Variants in HADHA observed in about 807,000 individuals in gnomAD.
HADHA encodes the protein trifunctional enzyme subunit alpha, mitochondrial.
A neutral mutation model predicts 91.3 loss-of-function variants in HADHA; 59 were observed. That is an observed-to-expected ratio of 0.65 (90% confidence interval 0.52 to 0.80). The LOEUF (loss-of-function observed/expected upper bound fraction) is 0.80, where lower values mean the gene tolerates loss of function less well. Ranked by LOEUF, HADHA falls within the 30% of genes least tolerant of loss-of-function variation. The pLI is 0.00. For missense variants in HADHA, 800 were observed against 927.6 expected, an observed-to-expected ratio of 0.86 and a Z score of 1.79; for synonymous variants, 320 against 338.9, an observed-to-expected ratio of 0.94 and a Z score of 0.61.
chr2:26,242,651 C>T (rs758073585), intron 1 of HADHA, among the ~76,000 whole-genome samples: 2 of 152,204 alleles, frequency 1.3e-5, no homozygotes, highest in African/African-American at 4.8e-5. Context: ...GTATTATTCC[C>T]CATTTTACAA....
rs180926415 is a variant in HADHA, at chr2:26,212,482, T to A, written c.975+88A>T. The A allele has an allele frequency of 5.9e-5, 55 of 936,112 alleles. No homozygotes were observed. The African/African-American group carries it at 8.6e-4, about 15-fold the overall frequency. 58.0% of individuals were successfully genotyped at this position (936,112 alleles called of 1,614,324 possible). Reference sequence around the variant, plus strand: ...AAAAATTTTTACTAGGCTTTGGATATTTTTTTCCTTTTTCAGCTTTATACA... The same window carrying A: ...AAAAATTTTTACTAGGCTTTGGATAATTTTTTCCTTTTTCAGCTTTATACA... On this transcript the variant is annotated intron_variant, in intron 10 of 19. Coordinates refer to ENST00000380649, the MANE Select transcript of HADHA (RefSeq NM_000182.5).
chr2:26,191,093 A>AGAT lies in HADHA; in HGVS notation c.*154_*156dup, dbSNP rs760240609. ...GAAGTCACACTTCACCAGGAGGGAG[A>AGAT]GATGGTCTTGGCTGAAGGCACTTTA... On this transcript the variant is annotated 3_prime_UTR_variant, in exon 20 of 20. Coordinates refer to ENST00000380649, the MANE Select transcript of HADHA (RefSeq NM_000182.5). The AGAT allele has an allele frequency of 1.8e-5, 13 of 715,506 alleles. No individual in the cohort carries two copies. The highest frequency in any genetic ancestry group is 3.2e-5 in the Non-Finnish European group (13 of 403,092). 44.3% of individuals were successfully genotyped at this position (715,506 alleles called of 1,614,324 possible). A position where few individuals can be genotyped will look rare whatever the true frequency, so the allele number is the denominator to read the frequency against.
intron 1 of HADHA, 79 bp from the exon 2 acceptor site, chr2:26,239,222 A>G: frequency 1.0e-6 from 1 of 953,572 alleles, no homozygotes; most frequent in South Asian, 1.3e-5. Context: ...GCTGTAATTT[A>G]CAATAATAAC....
chr2:26,233,851 C>A (rs996409811), intron 5 of HADHA, among the ~76,000 whole-genome samples: 2 of 152,088 alleles, frequency 1.3e-5, no homozygotes, highest in African/African-American at 4.8e-5. Flanking sequence ...GAGGCCGAGG[C>A]GGGAGGATCA....
In HADHA at chr2:26,230,246, G is replaced by A. The variant is rs1357461874; in HGVS notation, c.622C>T (p.Arg208Cys). 16 of 1,613,744 alleles carry A rather than the reference G, an allele frequency of 9.9e-6. No homozygotes were observed. Among genetic ancestry groups the A allele is most frequent in the South Asian group, 6.6e-5 (6 of 91,080 alleles). Residue 208 changes from arginine to cysteine, a missense_variant, in exon 7 of 20, where the codon CGT becomes TGT. Coordinates refer to ENST00000380649, the MANE Select transcript of HADHA (RefSeq NM_000182.5). ...CCCATTTTCTTTGCCCTGTCTGCAC[G>A]AATGCTTCTACCAGTCAGCATCATG... The part of the protein sequence containing the change: ...LDMMLTGRSI[R>C]ADRAKKMGLV...
rs1167452632 is a variant in HADHA, at chr2:26,236,346, T to C, written c.314+509A>G. On this transcript the variant is annotated intron_variant, in intron 4 of 19. Transcript: ENST00000380649. ...ATTTCTCTAGATCACATGATGTGTGTGTGTGTGTGTGTGTATATATATATA... is the reference window on the plus strand; with the variant it reads ...ATTTCTCTAGATCACATGATGTGTGCGTGTGTGTGTGTGTATATATATATA... Among the ~76,000 whole-genome samples, 3 of 107,534 alleles carry C rather than the reference T, an allele frequency of 2.8e-5. No homozygotes were observed. The East Asian group carries it at 5.9e-4, about 21-fold the overall frequency. 70.5% of individuals were successfully genotyped at this position (107,534 alleles called of 152,430 possible).
At chr2:26,209,753 G>A (rs978708941) in intron 11 of HADHA, 27 bp downstream of exon 11, 17 of 1,088,556 alleles carry the variant, frequency 1.6e-5, no homozygotes, top group Admixed American at 1.3e-4. Flanking sequence ...AAATTCACAA[G>A]GGCTTCCTAC....
At chr2:26,232,658 T>C (rs1396742883) in intron 5 of HADHA, among the ~76,000 whole-genome samples, 3 of 152,218 alleles carry the variant, frequency 2.0e-5, no homozygotes, top group Admixed American at 1.3e-4. Context: ...CACCATACCA[T>C]ATGCGGAATT....
At chr2:26,226,210 T>C (rs982067783) in intron 7 of HADHA, among the ~76,000 whole-genome samples, 2 of 152,220 alleles carry the variant, frequency 1.3e-5, no homozygotes, top group African/African-American at 4.8e-5. Context: ...ACCATGTTCA[T>C]GGATGAAATG....
chr2:26,194,288 A>G (rs1443097848), intron 16 of HADHA, among the ~76,000 whole-genome samples: 1 of 152,130 alleles, frequency 6.6e-6, no homozygotes, highest in African/African-American at 2.4e-5. Context: ...CCTGCCTCAG[A>G]GAGGTGCAGA....
intron 1 of HADHA, 56 bp downstream of exon 1, chr2:26,244,474 C>G (rs1487804192): frequency 1.3e-6 from 2 of 1,532,368 alleles, no homozygotes; most frequent in Non-Finnish European, 1.8e-6. Context: ...CGGGGCCACC[C>G]CAGTCCCGGC....
At position 26,191,558 on chromosome 2, in the gene HADHA, C is replaced by A. The variant is rs1057517132; in HGVS notation, c.2071G>T (p.Glu691Ter). ...FVNEAVMCLQ[E>*]GILATPAEGD... ...TCTGCAGGTGTGGCCAAGATCCCCTCTTGCAGGCACATGACTGCCTCATTC... is the reference window on the plus strand; with the variant it reads ...TCTGCAGGTGTGGCCAAGATCCCCTATTGCAGGCACATGACTGCCTCATTC... Residue 691 changes from glutamate (E) to a stop codon, truncating the protein, a stop_gained, in exon 19 of 20, where the codon GAG becomes TAG. Transcript: ENST00000380649. LOFTEE classifies it high-confidence loss of function. 1 of 1,614,160 alleles carries A rather than the reference C, an allele frequency of 6.2e-7. No homozygotes were observed. The highest frequency in any genetic ancestry group is 8.5e-7 in the Non-Finnish European group (1 of 1,180,004).
At chr2:26,223,030 G>A (rs1670408704) in intron 7 of HADHA, among the ~76,000 whole-genome samples, 1 of 152,140 alleles carries the variant, frequency 6.6e-6, no homozygotes, top group Admixed American at 6.5e-5. Context: ...TACCCCTAGT[G>A]ATCTAATCTA....
intron 6 of HADHA, 110 bp downstream of exon 6, chr2:26,232,050 T>C (rs926888535): frequency 8.8e-6 from 7 of 799,714 alleles, no homozygotes; most frequent in Non-Finnish European, 1.6e-5. Context: ...TGTACACTCA[T>C]ATTTTATTTG....
At chr2:26,201,513 G>A (rs1669834068) in intron 12 of HADHA, among the ~76,000 whole-genome samples, 193 bp from the exon 13 acceptor site, 1 of 152,130 alleles carries the variant, frequency 6.6e-6, no homozygotes, top group East Asian at 1.9e-4. Context: ...ATAAGGGAGG[G>A]TGCTAGCATT....
chr2:26,236,377 A>ACT lies in HADHA; in HGVS notation c.314+476_314+477dup, dbSNP rs1553315896. ...TGTGTGTGTATATATATATATATAT[A>ACT]CTCTGTGTGTGTGTGTGTGTGTGTG... On this transcript the variant is annotated intron_variant, in intron 4 of 19. Transcript: ENST00000380649. Among the ~76,000 whole-genome samples, 196 of 94,090 alleles carry ACT rather than the reference A, an allele frequency of 2.1e-3. 2 individuals are homozygous for ACT. Among genetic ancestry groups the ACT allele is most frequent in the African/African-American group, 5.7e-3 (140 of 24,370 alleles). The allele number at this position is 94,090 out of a possible 152,430, so 61.7% of individuals were successfully genotyped here. A position where few individuals can be genotyped will look rare whatever the true frequency, so the allele number is the denominator to read the frequency against.
intron 1 of HADHA, among the ~76,000 whole-genome samples, chr2:26,243,596 A>AT (rs1397528325): frequency 6.6e-6 from 1 of 152,226 alleles, no homozygotes; most frequent in Non-Finnish European, 1.5e-5. Context: ...GTCTAAAAAA[A>AT]GCATACTACT....
chr2:26,192,224 A>C lies in HADHA; in HGVS notation c.2000+86T>G, dbSNP rs1865323. 0.13 allele frequency: 94,557 copies of C among 749,834 alleles called. 12,999 individuals are homozygous for C. The highest frequency in any genetic ancestry group is 0.74 in the East Asian group (24,532 of 33,246). 46.4% of individuals were successfully genotyped at this position (749,834 alleles called of 1,614,324 possible). A position where few individuals can be genotyped will look rare whatever the true frequency, so the allele number is the denominator to read the frequency against. On this transcript the variant is annotated intron_variant, in intron 18 of 19. Transcript: ENST00000380649. ...TATCCCAGGACTTAAAGTATTAAAA[A>C]AAAAAAAAAATGGAAGAGGGGCTGG...
chr2:26,223,681 T>C (rs897779887), intron 7 of HADHA, among the ~76,000 whole-genome samples: 6 of 152,200 alleles, frequency 3.9e-5, no homozygotes, highest in African/African-American at 1.4e-4. Context: ...ATGGGGACTT[T>C]GGCTGAGGCC....
Sources: allele counts gnomAD v4.1 joint callset (sites outside exome capture counted in the v4.1 genomes callset), GRCh38; gene constraint gnomAD v4.1.1; transcripts MANE v1.5; gene names NCBI Gene and HGNC (gene_info 2026-07-23, HGNC 2026-07-21).